TWSG1: variants seen among roughly 807,000 people sequenced by gnomAD.
TWSG1 encodes twisted gastrulation protein homolog 1.
A neutral mutation model predicts 23.0 loss-of-function variants in TWSG1; 15 were observed. The ratio of observed to expected loss-of-function variants is 0.65; its 90% CI spans 0.44 to 1.00. TWSG1 has a LOEUF of 1.00. Among genes scored for constraint, TWSG1 ranks in the 50% least tolerant of loss-of-function variants. TWSG1 has a pLI of 0.00. For synonymous variants in TWSG1, 86 were observed against 92.8 expected, an observed-to-expected ratio of 0.93 and a Z score of 0.42; for missense variants, 242 against 278.7, an observed-to-expected ratio of 0.87 and a Z score of 0.94.
At chr18:9,395,810 T>G (rs1443646501) in intron 3 of TWSG1, among the ~76,000 whole-genome samples, 1 of 152,168 alleles carries the variant, frequency 6.6e-6, no homozygotes, top group Admixed American at 6.5e-5. Flanking sequence ...GAAGTGATCC[T>G]CCCACCTTGG....
intron 4 of TWSG1, 31 bp downstream of exon 4, chr18:9,396,577 C>T (rs780810434): frequency 1.5e-5 from 24 of 1,598,746 alleles, no homozygotes; most frequent in South Asian, 1.0e-4. Flanking sequence ...TTTTCCATTC[C>T]GCCCCCTCAT....
chr18:9,402,353 TAAA>T lies in TWSG1; in HGVS notation c.*2828_*2830del, dbSNP rs968649707. ...TGTATTTTATATGATCTACAACATA[TAAA>T]ATTGTGTATTTTTCTTTGGTTGTCC... On this transcript the variant is annotated 3_prime_UTR_variant, in exon 5 of 5. Coordinates refer to ENST00000262120, the MANE Select transcript of TWSG1 (RefSeq NM_020648.6). 2.0e-5 allele frequency: 3 copies of T among 152,236 alleles called. No homozygotes were observed. Among genetic ancestry groups the T allele is most frequent in the African/African-American group, 7.2e-5 (3 of 41,468 alleles). 9.4% of individuals were successfully genotyped at this position (152,236 alleles called of 1,614,324 possible). A position where few individuals can be genotyped will look rare whatever the true frequency, so the allele number is the denominator to read the frequency against.
chr18:9,363,996 A>G (rs2040565566), intron 3 of TWSG1, among the ~76,000 whole-genome samples: 1 of 152,154 alleles, frequency 6.6e-6, no homozygotes, highest in African/African-American at 2.4e-5. Context: ...TGATTGACTA[A>G]ATGTTTTTTA....
intron 2 of TWSG1, among the ~76,000 whole-genome samples, chr18:9,351,642 CTTTTTGTT>C (rs2040502779): frequency 9.5e-5 from 9 of 94,570 alleles, no homozygotes; most frequent in Admixed American, 6.4e-4. Flanking sequence ...TTTTTTTTGT[CTTTTTGTT>C]TTTTTGTTTT....
At chr18:9,389,271 C>T (rs972173860) in intron 3 of TWSG1, among the ~76,000 whole-genome samples, 3 of 152,062 alleles carry the variant, frequency 2.0e-5, no homozygotes, top group South Asian at 2.1e-4. Flanking sequence ...CCACTGCACC[C>T]GGCCACTAAT....
chr18:9,376,918 TTAAC>T (rs2040633053), intron 3 of TWSG1, among the ~76,000 whole-genome samples: 1 of 152,114 alleles, frequency 6.6e-6, no homozygotes, highest in African/African-American at 2.4e-5. Flanking sequence ...CATCATTCCT[TTAAC>T]AATAAAGTAT....
chr18:9,360,917 C>A (rs577715653), intron 3 of TWSG1, among the ~76,000 whole-genome samples: 12 of 152,234 alleles, frequency 7.9e-5, no homozygotes, highest in Non-Finnish European at 1.5e-4. Flanking sequence ...TCTCTTGATT[C>A]TTTGATTTTA....
intron 2 of TWSG1, 112 bp downstream of exon 2, chr18:9,337,464 G>A (rs934300906): frequency 9.9e-6 from 10 of 1,014,486 alleles, no homozygotes; most frequent in African/African-American, 4.8e-5. Context: ...CTGAGTATTG[G>A]GTCAGGGCCT....
At chr18:9,368,766 G>A (rs887457479) in intron 3 of TWSG1, among the ~76,000 whole-genome samples, 8 of 152,048 alleles carry the variant, frequency 5.3e-5, no homozygotes, top group African/African-American at 1.4e-4. Flanking sequence ...TGGTGAACAT[G>A]GTGAAACTCC....
At chr18:9,373,063 A>T (rs1302623493) in intron 3 of TWSG1, among the ~76,000 whole-genome samples, 1 of 152,202 alleles carries the variant, frequency 6.6e-6, no homozygotes, top group African/African-American at 2.4e-5. Context: ...ATGGAGAATG[A>T]TATACAATGG....
intron 1 of TWSG1, among the ~76,000 whole-genome samples, chr18:9,335,861 C>A (rs1319578615): frequency 6.6e-6 from 1 of 152,080 alleles, no homozygotes; most frequent in African/African-American, 2.4e-5. Flanking sequence ...ATCATAAATG[C>A]CCCCATAAAC....
In TWSG1 at chr18:9,396,275, C is replaced by T. The variant is rs1170731820; in HGVS notation, c.224-5C>T. On this transcript the variant is annotated splice_polypyrimidine_tract_variant and splice_region_variant and intron_variant, in intron 3 of 4. Coordinates refer to ENST00000262120, the MANE Select transcript of TWSG1 (RefSeq NM_020648.6). ...CAAAATCTTATGATATTACCCCCAA[C>T]CCAGGTATGTGTAATCCTCGAAATT... is the stretch of plus-strand genomic sequence containing the variant. 8 of 1,613,332 alleles carry T rather than the reference C, an allele frequency of 5.0e-6. No homozygotes were observed. Among genetic ancestry groups the T allele is most frequent in the East Asian group, 2.2e-5 (1 of 44,880 alleles).
intron 1 of TWSG1, 44 bp from the exon 2 acceptor site, chr18:9,337,149 C>T (rs1304357485): frequency 6.6e-7 from 1 of 1,507,306 alleles, no homozygotes; most frequent in African/African-American, 1.4e-5. Flanking sequence ...TTTGTTTTTA[C>T]CCTAGCACTT....
intron 3 of TWSG1, among the ~76,000 whole-genome samples, chr18:9,367,435 C>A (rs549796365): frequency 6.6e-6 from 1 of 152,068 alleles, no homozygotes; most frequent in Non-Finnish European, 1.5e-5. Flanking sequence ...TGAAATCATG[C>A]GGTATTTGCC....
chr18:9,361,396 A>T (rs1428687715), intron 3 of TWSG1, among the ~76,000 whole-genome samples: 1 of 152,038 alleles, frequency 6.6e-6, no homozygotes, highest in Non-Finnish European at 1.5e-5. Context: ...GTGTCTGGTG[A>T]CCCTTGGCTG....
intron 3 of TWSG1, among the ~76,000 whole-genome samples, chr18:9,361,904 T>A (rs2040554422): frequency 6.6e-6 from 1 of 152,186 alleles, no homozygotes; most frequent in Admixed American, 6.5e-5. Flanking sequence ...CACCTCCAGC[T>A]CCTGAGTCTC....
At chr18:9,365,539 G>T (rs2040574422) in intron 3 of TWSG1, among the ~76,000 whole-genome samples, 1 of 151,960 alleles carries the variant, frequency 6.6e-6, no homozygotes, top group Non-Finnish European at 1.5e-5. Flanking sequence ...TGGGTGGCAT[G>T]TGCCTGTAGT....
intron 2 of TWSG1, 93 bp downstream of exon 2, chr18:9,337,445 G>C: frequency 7.2e-7 from 1 of 1,381,132 alleles, no homozygotes; most frequent in Non-Finnish European, 9.9e-7. Flanking sequence ...ATATCATATA[G>C]AGTAAGACCT....
At chr18:9,358,844 A>C (rs1349871216) in intron 2 of TWSG1, among the ~76,000 whole-genome samples, 3 of 152,144 alleles carry the variant, frequency 2.0e-5, no homozygotes, top group Non-Finnish European at 4.4e-5. Flanking sequence ...AGTTATTTCC[A>C]CCAAAATAAT....
Sources: gnomAD v4.1 joint callset for allele counts (sites outside exome capture counted in the v4.1 genomes callset) on GRCh38, gnomAD v4.1.1 for gene constraint, MANE v1.5 for transcripts, NCBI Gene and HGNC (gene_info 2026-07-23, HGNC 2026-07-21) for gene names.